Variants in GPR37 observed in about 807,000 individuals in gnomAD.
GPR37 encodes G protein-coupled receptor 37, also known as prosaposin receptor GPR37.
Under a neutral mutation model 43.6 loss-of-function variants are expected in GPR37, and 20 were observed. The ratio of observed to expected loss-of-function variants is 0.46; its 90% CI spans 0.32 to 0.67. The LOEUF is 0.67. GPR37 is among the 30% of genes least tolerant of loss of function. The probability of loss-of-function intolerance (pLI) is 0.03; values close to 1 mark genes in which losing one functional copy is unlikely to be tolerated. For missense variants in GPR37, 724 were observed against 797.2 expected, an observed-to-expected ratio of 0.91 and a Z score of 1.11; for synonymous variants, 315 against 322.6, an observed-to-expected ratio of 0.98 and a Z score of 0.25.
chr7:124,758,779 CT>C (rs1793820669), intron 1 of GPR37, among the ~76,000 whole-genome samples: 1 of 152,196 alleles, frequency 6.6e-6, no homozygotes, highest in Non-Finnish European at 1.5e-5. Flanking sequence ...CCTTTATTCT[CT>C]CTCCACCTCT....
chr7:124,751,114 T>C (rs1793725525), intron 1 of GPR37, among the ~76,000 whole-genome samples: 6 of 152,118 alleles, frequency 3.9e-5, no homozygotes, highest in Admixed American at 3.9e-4. Flanking sequence ...TCTCTGATAG[T>C]ACTCTCTGCA....
chr7:124,750,377 C>CAGAA (rs1793718144), intron 1 of GPR37, among the ~76,000 whole-genome samples: 1 of 152,056 alleles, frequency 6.6e-6, no homozygotes, highest in Non-Finnish European at 1.5e-5. Context: ...TACAAGGCTT[C>CAGAA]CAAAGTTTAT....
intron 1 of GPR37, among the ~76,000 whole-genome samples, chr7:124,759,264 G>A (rs1165943813): frequency 6.6e-6 from 1 of 151,802 alleles, no homozygotes; most frequent in East Asian, 1.9e-4. Context: ...ATGGAGTTTC[G>A]CCCTGTTGGC....
chr7:124,750,549 C>T (rs982636306), intron 1 of GPR37, among the ~76,000 whole-genome samples: 1 of 152,128 alleles, frequency 6.6e-6, no homozygotes, highest in African/African-American at 2.4e-5. Context: ...ACACAATGCA[C>T]AAAAGATAGC....
chr7:124,745,177 A>G lies in GPR37; in HGVS notation c.*1348T>C, dbSNP rs566153009. ...TACTGACTTACTTATGCCGAGTAGAACAGAAATCAACAAGCAGAAACTACG... is the reference window on the plus strand; with the variant it reads ...TACTGACTTACTTATGCCGAGTAGAGCAGAAATCAACAAGCAGAAACTACG... On this transcript the variant is annotated 3_prime_UTR_variant, in exon 2 of 2. Coordinates refer to ENST00000303921, the MANE Select transcript of GPR37 (RefSeq NM_005302.5). Among the ~76,000 whole-genome samples the G allele has an allele frequency of 3.0e-4, 46 of 152,348 alleles. No homozygotes were observed. The highest frequency in any genetic ancestry group is 6.3e-4 in the African/African-American group (26 of 41,596).
rs767876171 is a variant in GPR37, at chr7:124,747,035, C to T, written c.1332G>A (p.Trp444Ter). 4 of 1,613,954 alleles carry T rather than the reference C, an allele frequency of 2.5e-6. No individual in the cohort carries two copies. In the Admixed American group the frequency reaches 6.7e-5, roughly 27 times the overall value. ...AACAAAAGTAACAGCCAAAATACCA[C>T]CACAGTCTCGCACTGTCGTAGGTGA... ...LALTYDSARLWWYFGCYFCLP... is the reference protein window; with the variant it reads ...LALTYDSARL Residue 444 changes from tryptophan (W) to a stop codon, truncating the protein, a stop_gained, in exon 2 of 2, where the codon TGG becomes TGA. Coordinates refer to ENST00000303921, the MANE Select transcript of GPR37 (RefSeq NM_005302.5). LOFTEE classifies it high-confidence loss of function.
chr7:124,758,349 T>G (rs1453392775), intron 1 of GPR37, among the ~76,000 whole-genome samples: 2 of 152,222 alleles, frequency 1.3e-5, no homozygotes, highest in Non-Finnish European at 1.5e-5. Flanking sequence ...AAATATTTGT[T>G]CAGCACCATT....
At position 124,744,269 on chromosome 7, in the gene GPR37, G is replaced by A. The variant is rs1177652643; in HGVS notation, c.*2256C>T. On this transcript the variant is annotated 3_prime_UTR_variant, in exon 2 of 2. Transcript: ENST00000303921. ...TGCAAGTTGATCTTCCTATTGCAGA[G>A]CTGGGATACTATTTCTCCATACTCA... The A allele has an allele frequency of 6.6e-6, 1 of 152,082 alleles. No individual in the cohort carries two copies. Among genetic ancestry groups the A allele is most frequent in the Non-Finnish European group, 1.5e-5 (1 of 68,018 alleles). 9.4% of individuals were successfully genotyped at this position (152,082 alleles called of 1,614,324 possible).
rs1793684108 is a variant in GPR37, at chr7:124,747,305, A to G, written c.1062T>C (p.Ala354=). 1 of 1,613,590 alleles carries G rather than the reference A, an allele frequency of 6.2e-7. No individual in the cohort carries two copies. The highest frequency in any genetic ancestry group is 8.5e-7 in the Non-Finnish European group (1 of 1,179,722). The change falls in exon 2 of 2, where the codon GCT becomes GCC. Residue 354 remains alanine, a synonymous_variant. Transcript: ENST00000303921. ...CAGCACGGAAGCGGTCTATGCACAG[A>G]GCACATAAGGTGAAAGTGGTGACTC... ...SLGVTTFTLC[A]LCIDRFRAAT...
chr7:124,744,688 T>C lies in GPR37; in HGVS notation c.*1837A>G, dbSNP rs1377232042. 2.0e-5 allele frequency: 3 copies of C among 152,240 alleles called. No homozygotes were observed. The highest frequency in any genetic ancestry group is 6.5e-5 in the Admixed American group (1 of 15,268). The allele number at this position is 152,240 out of a possible 1,614,324, so 9.4% of individuals were successfully genotyped here. A position where few individuals can be genotyped will look rare whatever the true frequency, so the allele number is the denominator to read the frequency against. On this transcript the variant is annotated 3_prime_UTR_variant, in exon 2 of 2. Coordinates refer to ENST00000303921, the MANE Select transcript of GPR37 (RefSeq NM_005302.5). ...ACCTAACAAGCCCCAGCTTATATCA[T>C]AGTTGTCTATGTATTTATTTTATTC...
intron 1 of GPR37, among the ~76,000 whole-genome samples, chr7:124,753,192 C>T (rs1374576257): frequency 6.6e-6 from 1 of 151,742 alleles, no homozygotes; most frequent in Non-Finnish European, 1.5e-5. Context: ...AATATTTGCT[C>T]ATTTGGAGAT....
At position 124,764,219 on chromosome 7, in the gene GPR37, G is replaced by C; in HGVS notation, c.758C>G (p.Pro253Arg). The change falls in exon 1 of 2, where the codon CCG becomes CGG. Residue 253 changes from proline (P) to arginine (R), a missense_variant. By Grantham distance (103) the Pro-to-Arg change is moderately radical (BLOSUM62 -2). This residue lies in a region of GPR37 where 382 missense variants were observed against 355.4 expected (regional missense o/e 1.07). Transcript: ENST00000303921. The surrounding 1 kb of genome is among the most constrained non-coding windows in gnomAD (Gnocchi z 5.4). ...GGCTCCATAGGACTCCTGGGTCAGC[G>C]GGTAGAAGGGGTTCTTCAGTCTCAC... ...RRVRLKNPFY[P>R]LTQESYGAYA... The C allele has an allele frequency of 1.3e-6, 2 of 1,593,878 alleles. No individual in the cohort carries two copies. The highest frequency in any genetic ancestry group is 1.7e-6 in the Non-Finnish European group (2 of 1,170,100).
chr7:124,763,566 TG>T (rs1041397864), intron 1 of GPR37, among the ~76,000 whole-genome samples: 12 of 116,204 alleles, frequency 1.0e-4, no homozygotes, highest in African/African-American at 3.4e-4. Flanking sequence ...CAAATGCTAA[TG>T]TTTTTTTTTT....
chr7:124,751,976 G>A (rs1793739715), intron 1 of GPR37, among the ~76,000 whole-genome samples: 1 of 151,980 alleles, frequency 6.6e-6, no homozygotes, highest in African/African-American at 2.4e-5. Flanking sequence ...TAACTATTGG[G>A]GAAAATAAGA....
rs1446401790 is a variant in GPR37 at position 124,764,784 on chromosome 7, C to G, written c.193G>C (p.Asp65His). The G allele has an allele frequency of 6.2e-7, 1 of 1,613,462 alleles. No individual in the cohort carries two copies. The change falls in exon 1 of 2, where the codon GAC becomes CAC. Residue 65 changes from aspartate (D) to histidine (H), a missense_variant. Transcript: ENST00000303921. The surrounding 1 kb of genome is among the most constrained non-coding windows in gnomAD (Gnocchi z 5.4). The part of the protein sequence containing the change: ...DAWGPGNSAR[D>H]VLRARAPREE... Reference sequence around the variant, plus strand: ...CTGGGTGCTCGGGCTCGCAGAACGTCTCTTGCAGAATTTCCCGGTCCCCAG... The same window carrying G: ...CTGGGTGCTCGGGCTCGCAGAACGTGTCTTGCAGAATTTCCCGGTCCCCAG...
At chr7:124,763,751 G>A (rs1404450216) in intron 1 of GPR37, among the ~76,000 whole-genome samples, 2 of 152,128 alleles carry the variant, frequency 1.3e-5, no homozygotes, top group Admixed American at 6.5e-5. Context: ...CCCAGGAGCA[G>A]ATGAATTTGA....
intron 1 of GPR37, among the ~76,000 whole-genome samples, chr7:124,756,248 G>T (rs1167252318): frequency 6.6e-6 from 1 of 152,032 alleles, no homozygotes. Context: ...CAGAAAAAAA[G>T]AAAAAAGTAA....
At chr7:124,751,596 A>G (rs570000609) in intron 1 of GPR37, among the ~76,000 whole-genome samples, 1 of 152,266 alleles carries the variant, frequency 6.6e-6, no homozygotes, top group South Asian at 2.1e-4. Context: ...TTCTATCACA[A>G]TTTTGAAATA....
intron 1 of GPR37, among the ~76,000 whole-genome samples, chr7:124,759,587 G>A (rs1793829888): frequency 6.6e-6 from 1 of 152,076 alleles, no homozygotes; most frequent in South Asian, 2.1e-4. Context: ...TAGGAGGACG[G>A]CCATGATCTA....
Sources: gnomAD v4.1 joint callset for allele counts (sites outside exome capture counted in the v4.1 genomes callset) on GRCh38, gnomAD v4.1.1 for gene constraint, gnomAD v4.1.1 regional missense constraint, Gnocchi (gnomAD v3.1) non-coding constraint, MANE v1.5 for transcripts, NCBI Gene and HGNC (gene_info 2026-07-23, HGNC 2026-07-21) for gene names.